The following ADAM2 variants were observed in gnomAD, a reference collection of about 807,000 sequenced individuals.
ADAM2 encodes ADAM metallopeptidase domain 2.
A neutral mutation model predicts 99.3 loss-of-function variants in ADAM2; 101 were observed. That is an observed-to-expected ratio of 1.02 (90% CI 0.87 to 1.20). The LOEUF (loss-of-function observed/expected upper bound fraction) is 1.20. ADAM2 is among the 50% of genes most tolerant of loss of function. ADAM2 has a pLI of 0.00. For synonymous variants in ADAM2, 323 were observed against 287.6 expected, an observed-to-expected ratio of 1.12 and a Z score of -1.25; for missense variants, 948 against 878.7, an observed-to-expected ratio of 1.08 and a Z score of -1.00.
At chr8:39,800,879 C>G (rs1158662730) in intron 7 of ADAM2, among the ~76,000 whole-genome samples, 2 of 152,128 alleles carry the variant, frequency 1.3e-5, no homozygotes, top group African/African-American at 2.4e-5. Context: ...TCCATCAGAT[C>G]GTTTATGTTC....
chr8:39,789,767 T>C (rs1803625058), intron 7 of ADAM2, among the ~76,000 whole-genome samples: 1 of 151,092 alleles, frequency 6.6e-6, no homozygotes, highest in Non-Finnish European at 1.5e-5. Flanking sequence ...CCTTCAGAAA[T>C]GGTAAAAATA....
intron 7 of ADAM2, among the ~76,000 whole-genome samples, chr8:39,795,539 T>G (rs1803902324): frequency 6.6e-6 from 1 of 152,256 alleles, no homozygotes; most frequent in South Asian, 2.1e-4. Context: ...AATTTTTAAC[T>G]CTACCTATGA....
intron 6 of ADAM2, among the ~76,000 whole-genome samples, chr8:39,814,029 C>T (rs1804816034): frequency 6.6e-6 from 1 of 151,618 alleles, no homozygotes; most frequent in Non-Finnish European, 1.5e-5. Flanking sequence ...ATGCCAGGAG[C>T]TGTGTGTGTT....
Position 39,766,896 on chromosome 8 carries a change from C to T in ADAM2, c.1459G>A (p.Gly487Arg), listed in dbSNP as rs866590172. 6.2e-7 allele frequency: 1 copy of T among 1,613,834 alleles called. No individual in the cohort carries two copies. Among genetic ancestry groups the T allele is most frequent in the Non-Finnish European group, 8.5e-7 (1 of 1,179,842 alleles). The change falls in exon 14 of 21, where the codon GGA becomes AGA. Residue 487 changes from glycine to arginine, a missense_variant. Physicochemically the swap from Gly to Arg is moderately radical, Grantham distance 125. Coordinates refer to ENST00000265708, the MANE Select transcript of ADAM2 (RefSeq NM_001464.5). ...CGLNQWICID[G>R]VCMSGDKQCT... ...TGTTTATCCCCACTCATACAAACTC[C>T]ATCTATACAGATCCATTGATTCAGT...
chr8:39,822,010 T>A (rs1013909908), intron 4 of ADAM2, among the ~76,000 whole-genome samples: 2 of 152,198 alleles, frequency 1.3e-5, no homozygotes, highest in Non-Finnish European at 2.9e-5. Flanking sequence ...TCAAAATGTT[T>A]TCATTTGCAA....
intron 7 of ADAM2, among the ~76,000 whole-genome samples, chr8:39,792,357 C>T (rs1382226508): frequency 6.6e-6 from 1 of 152,004 alleles, no homozygotes; most frequent in Non-Finnish European, 1.5e-5. Flanking sequence ...CCAAATTAGG[C>T]ATAGAGAATG....
Position 39,749,758 on chromosome 8 carries a change from G to A in ADAM2, c.1798-14C>T. 1.9e-6 allele frequency: 3 copies of A among 1,605,220 alleles called. No individual in the cohort carries two copies. Among genetic ancestry groups the A allele is most frequent in the Non-Finnish European group, 2.6e-6 (3 of 1,173,994 alleles). Reference sequence around the variant, plus strand: ...ATTCCTGCAAACCTAAAAAGGATGAGCAAAAATAAGTTAATTGACATGCCA... The same window carrying A: ...ATTCCTGCAAACCTAAAAAGGATGAACAAAAATAAGTTAATTGACATGCCA... On this transcript the variant is annotated splice_polypyrimidine_tract_variant and intron_variant, in intron 16 of 20. Coordinates refer to ENST00000265708, the MANE Select transcript of ADAM2 (RefSeq NM_001464.5).
intron 6 of ADAM2, among the ~76,000 whole-genome samples, chr8:39,810,732 C>T (rs1586139075): frequency 6.6e-6 from 1 of 152,110 alleles, no homozygotes; most frequent in Non-Finnish European, 1.5e-5. Flanking sequence ...TTCTTTGAAA[C>T]CGATGAGAAC....
At position 39,746,459 on chromosome 8, in the gene ADAM2, G is replaced by T; in HGVS notation, c.2174+13C>A. ...TATACAAATAACAAATCTTAAATATGAAATCAATATACTCATCGCTTGAAT... is the reference window on the plus strand; with the variant it reads ...TATACAAATAACAAATCTTAAATATTAAATCAATATACTCATCGCTTGAAT... On this transcript the variant is annotated intron_variant, in intron 19 of 20. Coordinates refer to ENST00000265708, the MANE Select transcript of ADAM2 (RefSeq NM_001464.5). 2.0e-6 allele frequency: 3 copies of T among 1,495,928 alleles called. No individual in the cohort carries two copies. Among genetic ancestry groups the T allele is most frequent in the Non-Finnish European group, 2.7e-6 (3 of 1,118,228 alleles). 92.7% of individuals were successfully genotyped at this position (1,495,928 alleles called of 1,614,324 possible).
chr8:39,835,081 A>G (rs962595305), intron 2 of ADAM2, among the ~76,000 whole-genome samples: 1 of 152,170 alleles, frequency 6.6e-6, no homozygotes, highest in Non-Finnish European at 1.5e-5. Flanking sequence ...TTACGTTCTG[A>G]GGCACCAGGG....
chr8:39,766,777 G>T, intron 14 of ADAM2, 71 bp downstream of exon 14: 1 of 988,668 alleles, frequency 1.0e-6, no homozygotes, highest in Non-Finnish European at 1.5e-6. Context: ...TCACAATCAT[G>T]TATCAGCATC....
rs758762108 is a variant in ADAM2 at position 39,777,064 on chromosome 8, T to C, written c.989A>G (p.Gln330Arg). 41 of 1,598,312 alleles carry C rather than the reference T, an allele frequency of 2.6e-5. 1 individual carries two copies. Among genetic ancestry groups the C allele is most frequent in the Admixed American group, 1.2e-4 (7 of 59,802 alleles). Residue 330 changes from glutamine (Q) to arginine (R), a missense_variant, in exon 11 of 21, where the codon CAG (glutamine) becomes CGG (arginine). By Grantham distance (43) the Gln-to-Arg change is conservative. Coordinates refer to ENST00000265708, the MANE Select transcript of ADAM2 (RefSeq NM_001464.5). ...GITYDDINKC[Q>R]CSGAVCIMNP... ...CATAATGCAGACAGCTCCTGAGCAC[T>C]GGCATTTGTTAATGTCATCATAAGT... is the stretch of plus-strand genomic sequence containing the variant.
At chr8:39,823,864 T>C (rs1049428564) in intron 4 of ADAM2, among the ~76,000 whole-genome samples, 1 of 152,182 alleles carries the variant, frequency 6.6e-6, no homozygotes, top group African/African-American at 2.4e-5. Flanking sequence ...ACTTCTTCTG[T>C]TGAAATCCTA....
At chr8:39,815,474 A>G (rs1411355729) in intron 6 of ADAM2, among the ~76,000 whole-genome samples, 2 of 152,178 alleles carry the variant, frequency 1.3e-5, no homozygotes, top group East Asian at 3.8e-4. Context: ...AGGCTAGCAA[A>G]TAAAATGAGA....
At position 39,837,127 on chromosome 8, in the gene ADAM2, A is replaced by T. The variant is rs992850084; in HGVS notation, c.132+9T>A. The T allele has an allele frequency of 1.9e-6, 3 of 1,574,686 alleles. No homozygotes were observed. The highest frequency in any genetic ancestry group is 2.7e-5 in the African/African-American group (2 of 73,508). ...TTTAAATTTGTAAATACTGTTAGTG[A>T]TTCATTACCTGCGATTCAATTCCTT... is the stretch of plus-strand genomic sequence containing the variant. On this transcript the variant is annotated intron_variant, in intron 2 of 20. Coordinates refer to ENST00000265708, the MANE Select transcript of ADAM2 (RefSeq NM_001464.5).
Position 39,749,704 on chromosome 8 carries a change from C to A in ADAM2, c.1838G>T (p.Gly613Val), listed in dbSNP as rs138205598. 3 of 1,612,216 alleles carry A rather than the reference C, an allele frequency of 1.9e-6. No homozygotes were observed. In the African/African-American group the frequency reaches 4.0e-5, roughly 22 times the overall value. Reference sequence around the variant, plus strand: ...GCATTTGTCAGTAGTACAATCATAACCCAAGTATGAAGAACTCACACATCT... The same window carrying A: ...GCATTTGTCAGTAGTACAATCATAAACCAAGTATGAAGAACTCACACATCT... ...NQRCVSSSYLGYDCTTDKCND... is the reference protein window; with the variant it reads ...NQRCVSSSYLVYDCTTDKCND... The change falls in exon 17 of 21, where the codon GGT becomes GTT. Residue 613 changes from glycine (G) to valine (V), a missense_variant. By Grantham distance (109) the Gly-to-Val change is moderately radical (BLOSUM62 -3). Transcript: ENST00000265708.
Position 39,788,187 on chromosome 8 carries a change from T to C in ADAM2, c.707A>G (p.Lys236Arg). 1 of 1,584,882 alleles carries C rather than the reference T, an allele frequency of 6.3e-7. No individual in the cohort carries two copies. The highest frequency in any genetic ancestry group is 8.6e-7 in the Non-Finnish European group (1 of 1,162,198). The change falls in exon 9 of 21, where the codon AAA becomes AGA. Residue 236 changes from lysine (K) to arginine (R), a missense_variant. Lys to Arg is a conservative substitution (Grantham distance 26). Coordinates refer to ENST00000265708, the MANE Select transcript of ADAM2 (RefSeq NM_001464.5). ...ATTAGCTTCTCCAGTGGTTGCAATT[T>C]TATTTTCATCTATCCAAAGCTCCAA... ...SSLELWIDEN[K>R]IATTGEANEL... is the part of the protein sequence containing the mutation.
chr8:39,773,181 C>T (rs1339376233), intron 11 of ADAM2, among the ~76,000 whole-genome samples: 1 of 151,650 alleles, frequency 6.6e-6, no homozygotes, highest in African/African-American at 2.4e-5. Flanking sequence ...TAACCTACAT[C>T]TAAAATAGCT....
chr8:39,799,439 G>A (rs1215400417), intron 7 of ADAM2, among the ~76,000 whole-genome samples: 2 of 152,230 alleles, frequency 1.3e-5, no homozygotes, highest in Non-Finnish European at 2.9e-5. Context: ...TTGCAGAAGA[G>A]TGTTTTACTT....
Sources: allele counts gnomAD v4.1 joint callset (sites outside exome capture counted in the v4.1 genomes callset), GRCh38; gene constraint gnomAD v4.1.1; transcripts MANE v1.5; gene names NCBI Gene and HGNC (gene_info 2026-07-23, HGNC 2026-07-21).